SCAPER: variants seen among roughly 807,000 people sequenced by gnomAD.
The protein encoded by SCAPER is S phase cyclin A-associated protein in the endoplasmic reticulum.
SCAPER carries 98 observed loss-of-function variants against 182.2 expected under a neutral mutation model. That is an observed-to-expected ratio of 0.54 (90% CI 0.46 to 0.64). The LOEUF is 0.64. Among genes scored for constraint, SCAPER ranks in the 30% least tolerant of loss-of-function variants. The pLI is 0.00. For missense variants in SCAPER, 1,432 were observed against 1,690.0 expected (o/e 0.85, Z 2.68); for synonymous variants, 605 against 564.6 (o/e 1.07, Z -1.01).
chr15:76,438,527 T>C (rs1004402189), intron 25 of SCAPER, among the ~76,000 whole-genome samples: 4 of 152,218 alleles, frequency 2.6e-5, no homozygotes, highest in South Asian at 2.1e-4. Flanking sequence ...GGGGGCTTTG[T>C]GCTTAATTTC....
At chr15:76,348,948 C>T (rs776413379) in intron 31 of SCAPER, 1 of 383,012 alleles carries the variant, frequency 2.6e-6, no homozygotes, top group Non-Finnish European at 4.7e-6. Flanking sequence ...AACCACAATC[C>T]AGTTTGTCCT....
intron 23 of SCAPER, among the ~76,000 whole-genome samples, chr15:76,531,270 C>G (rs2043638576): frequency 6.6e-6 from 1 of 152,128 alleles, no homozygotes; most frequent in African/African-American, 2.4e-5. Flanking sequence ...ATCAGAAAAT[C>G]AAACCACTTG....
At chr15:76,555,595 T>C (rs2046133446) in intron 23 of SCAPER, among the ~76,000 whole-genome samples, 1 of 152,034 alleles carries the variant, frequency 6.6e-6, no homozygotes, top group Admixed American at 6.6e-5. Context: ...GCTTTCTAAT[T>C]TCAGACAAAG....
intron 2 of SCAPER, among the ~76,000 whole-genome samples, chr15:76,869,520 T>A (rs376908053): frequency 2.0e-5 from 3 of 152,086 alleles, no homozygotes; most frequent in African/African-American, 4.8e-5. Flanking sequence ...GACTCATCAC[T>A]AATCACCACA....
chr15:76,572,917 T>TCACACA lies in SCAPER; in HGVS notation c.2838+1240_2838+1241insTGTGTG, dbSNP rs1231032832. Among the ~76,000 whole-genome samples the TCACACA allele has an allele frequency of 6.7e-3, 891 of 133,508 alleles. 6 individuals are homozygous for TCACACA. The highest frequency in any genetic ancestry group is 0.015 in the African/African-American group (544 of 35,508). The allele number at this position is 133,508 out of a possible 152,430, so 87.6% of individuals were successfully genotyped here. A position where few individuals can be genotyped will look rare whatever the true frequency, so the allele number is the denominator to read the frequency against. On this transcript the variant is annotated intron_variant, in intron 23 of 31. Coordinates refer to ENST00000563290, the MANE Select transcript of SCAPER (RefSeq NM_020843.4). Reference sequence around the variant, plus strand: ...CTCTCTCTCTCTCTCTCTCTCTCTCTCTCACACACACACACACACACACAC... The same window carrying TCACACA: ...CTCTCTCTCTCTCTCTCTCTCTCTCTCACACACTCACACACACACACACACACACAC...
chr15:76,526,395 TTAAAG>T (rs1308083330), intron 23 of SCAPER, among the ~76,000 whole-genome samples: 1 of 152,226 alleles, frequency 6.6e-6, no homozygotes, highest in Non-Finnish European at 1.5e-5. Flanking sequence ...CTCTAGTAGT[TTAAAG>T]TATTTTCTTC....
At chr15:76,494,801 T>C (rs2040344000) in intron 24 of SCAPER, among the ~76,000 whole-genome samples, 1 of 152,154 alleles carries the variant, frequency 6.6e-6, no homozygotes, top group African/African-American at 2.4e-5. Context: ...TTCTCAACTA[T>C]GATGTAAGCT....
chr15:76,564,968 T>C (rs1486686256), intron 23 of SCAPER, among the ~76,000 whole-genome samples: 1 of 152,178 alleles, frequency 6.6e-6, no homozygotes, highest in Non-Finnish European at 1.5e-5. Flanking sequence ...GCTAGCCATA[T>C]ACAGAAGATT....
At chr15:76,538,008 A>G (rs1296278566) in intron 23 of SCAPER, among the ~76,000 whole-genome samples, 2 of 151,798 alleles carry the variant, frequency 1.3e-5, no homozygotes, top group Non-Finnish European at 2.9e-5. Context: ...AATCAAAACC[A>G]CAATGAGATA....
intron 5 of SCAPER, among the ~76,000 whole-genome samples, chr15:76,812,470 G>C (rs1027948209): frequency 2.9e-5 from 4 of 136,266 alleles, no homozygotes; most frequent in Non-Finnish European, 6.2e-5. Context: ...CCTGGGTGAC[G>C]GAGTGAGACT....
rs58642207 is a variant in SCAPER at position 76,559,201 on chromosome 15, ATTTTTTTTTTTTTTTT to A, written c.2838+14941_2838+14956del. 9.9e-3 allele frequency among the ~76,000 whole-genome samples: 1,207 copies of A among 121,910 alleles called. 32 individuals are homozygous for A. Among genetic ancestry groups the A allele is most frequent in the African/African-American group, 0.043 (1,144 of 26,798 alleles). The allele number at this position is 121,910 out of a possible 152,430, so 80.0% of individuals were successfully genotyped here. ...AGGCACCCACCACCACACCCAGCTAATTTTTTTTTTTTTTTTTTTTTTTTTGGTATTTTTAGTAGAG... is the reference window on the plus strand; with the variant it reads ...AGGCACCCACCACCACACCCAGCTAATTTTTTTTTGGTATTTTTAGTAGAG... On this transcript the variant is annotated intron_variant, in intron 23 of 31. Coordinates refer to ENST00000563290, the MANE Select transcript of SCAPER (RefSeq NM_020843.4).
intron 24 of SCAPER, among the ~76,000 whole-genome samples, chr15:76,493,114 G>A (rs117966433): frequency 0.03 from 4,495 of 152,052 alleles, 91 homozygotes; most frequent in Non-Finnish European, 0.047. Context: ...GGTCTTCAAG[G>A]GGTGCTAATA....
In SCAPER at chr15:76,512,392, G is replaced by A. The variant is rs146894073; in HGVS notation, c.2839-7418C>T. 2.3e-3 allele frequency among the ~76,000 whole-genome samples: 344 copies of A among 152,046 alleles called. 1 individual carries two copies. The highest frequency in any genetic ancestry group is 8.0e-3 in the African/African-American group (330 of 41,462). The stretch of plus-strand genomic sequence containing the variant: ...GAACTTCCTTAACAACCATTAAGAA[G>A]GGAACTAAACTCTCCTCTCATATTC... On this transcript the variant is annotated intron_variant, in intron 23 of 31. Coordinates refer to ENST00000563290, the MANE Select transcript of SCAPER (RefSeq NM_020843.4).
intron 27 of SCAPER, among the ~76,000 whole-genome samples, chr15:76,390,048 G>A (rs757735959): frequency 9.9e-5 from 15 of 151,752 alleles, no homozygotes; most frequent in African/African-American, 2.2e-4. Context: ...CCTTGAACTC[G>A]TAGGCTCAAG....
intron 22 of SCAPER, among the ~76,000 whole-genome samples, chr15:76,619,730 C>T (rs1191670395): frequency 6.6e-6 from 1 of 152,002 alleles, no homozygotes; most frequent in Non-Finnish European, 1.5e-5. Context: ...CTAATGCTAT[C>T]CTGTTAGCTT....
intron 8 of SCAPER, among the ~76,000 whole-genome samples, chr15:76,784,742 A>G (rs1474728580): frequency 6.6e-6 from 1 of 152,116 alleles, no homozygotes; most frequent in Admixed American, 6.5e-5. Flanking sequence ...CACATCTACA[A>G]CCATCTGACC....
chr15:76,631,076 G>A (rs2053065732), intron 21 of SCAPER, among the ~76,000 whole-genome samples: 1 of 151,868 alleles, frequency 6.6e-6, no homozygotes, highest in Non-Finnish European at 1.5e-5. Context: ...TATTTTTATT[G>A]GTTTAAAGTC....
rs533683479 is a variant in SCAPER, at chr15:76,726,879, A to T, written c.2165+1716T>A. Among the ~76,000 whole-genome samples, 8 of 152,184 alleles carry T rather than the reference A, an allele frequency of 5.3e-5. No homozygotes were observed. In the South Asian group the frequency reaches 1.7e-3, roughly 32 times the overall value. On this transcript the variant is annotated intron_variant, in intron 17 of 31. Coordinates refer to ENST00000563290, the MANE Select transcript of SCAPER (RefSeq NM_020843.4). The stretch of plus-strand genomic sequence containing the variant: ...GGAGTTACTACTTAGTAGATAGAAC[A>T]CTTCAGTCTCGGAAACTGAAAAAAT...
chr15:76,356,505 TG>T (rs2040972719), intron 29 of SCAPER, among the ~76,000 whole-genome samples: 1 of 152,206 alleles, frequency 6.6e-6, no homozygotes, highest in South Asian at 2.1e-4. Flanking sequence ...GGAGTCATCA[TG>T]GAATATGAGA....
Sources: gnomAD v4.1 joint callset for allele counts (sites outside exome capture counted in the v4.1 genomes callset) on GRCh38, gnomAD v4.1.1 for gene constraint, MANE v1.5 for transcripts, NCBI Gene and HGNC (gene_info 2026-07-23, HGNC 2026-07-21) for gene names.